SOX5: variants seen among roughly 807,000 people sequenced by gnomAD.
The protein encoded by SOX5 is transcription factor SOX-5.
A neutral mutation model predicts 92.0 loss-of-function variants in SOX5; 9 were observed. The observed-to-expected ratio is 0.10, with a 90% confidence interval of 0.06 to 0.17. SOX5 has a LOEUF of 0.17. SOX5 is among the 10% of genes least tolerant of loss of function. The pLI is 1.00. For missense variants in SOX5, 642 were observed against 944.5 expected, an observed-to-expected ratio of 0.68 and a Z score of 4.20; for synonymous variants, 344 against 336.3, an observed-to-expected ratio of 1.02 and a Z score of -0.25.
intron 1 of SOX5, among the ~76,000 whole-genome samples, chr12:24,493,863 C>CCA (rs397762161): frequency 4.8e-4 from 42 of 86,734 alleles, no homozygotes; most frequent in East Asian, 3.2e-3. Flanking sequence ...GACTCCATCT[C>CCA]AAAAAAAAAA....
At chr12:23,735,980 T>C (rs1038666099) in intron 5 of SOX5, among the ~76,000 whole-genome samples, 10 of 152,216 alleles carry the variant, frequency 6.6e-5, no homozygotes, top group African/African-American at 2.2e-4. Context: ...AGGAAGTCCG[T>C]TACAAAAGCA....
intron 3 of SOX5, among the ~76,000 whole-genome samples, chr12:23,842,343 A>T (rs528524862): frequency 5.9e-5 from 9 of 152,256 alleles, no homozygotes; most frequent in African/African-American, 2.2e-4. Flanking sequence ...TAATCCATGC[A>T]AAAAAGGATT....
chr12:24,240,628 A>G (rs1461798781), intron 3 of SOX5, among the ~76,000 whole-genome samples: 1 of 152,196 alleles, frequency 6.6e-6, no homozygotes, highest in Non-Finnish European at 1.5e-5. Flanking sequence ...AGAAAGAAAT[A>G]AAAACACTTC....
chr12:23,533,735 G>C lies in SOX5; in HGVS notation c.*484C>G, dbSNP rs1939585043. ...GCATTACAAAGAAAAAAAATGAAAGGAAAGAAAAAGAAAAGGAAAAAACCC... is the reference window on the plus strand; with the variant it reads ...GCATTACAAAGAAAAAAAATGAAAGCAAAGAAAAAGAAAAGGAAAAAACCC... On this transcript the variant is annotated 3_prime_UTR_variant, in exon 15 of 15. Coordinates refer to ENST00000451604, the MANE Select transcript of SOX5 (RefSeq NM_006940.6). The C allele has an allele frequency of 6.6e-6, 1 of 151,122 alleles. No individual in the cohort carries two copies. Among genetic ancestry groups the C allele is most frequent in the Admixed American group, 6.6e-5 (1 of 15,130 alleles). 9.4% of individuals were successfully genotyped at this position (151,122 alleles called of 1,614,324 possible).
chr12:23,957,568 G>T (rs1159135695), intron 4 of SOX5, among the ~76,000 whole-genome samples: 1 of 152,166 alleles, frequency 6.6e-6, no homozygotes, highest in Non-Finnish European at 1.5e-5. Flanking sequence ...AAACTAAAAA[G>T]TTGTAATGTT....
chr12:24,146,772 C>T (rs1434804305), intron 4 of SOX5, among the ~76,000 whole-genome samples: 6 of 147,868 alleles, frequency 4.1e-5, no homozygotes, highest in Middle Eastern at 3.3e-3. Context: ...ATACAAATTA[C>T]CAATATTAGG....
chr12:24,045,405 C>A (rs1054876820), intron 4 of SOX5, among the ~76,000 whole-genome samples: 5 of 152,076 alleles, frequency 3.3e-5, no homozygotes, highest in Non-Finnish European at 7.4e-5. Context: ...CTCAAGAAAC[C>A]CTCCCACTCA....
At chr12:24,363,824 T>C (rs571176013) in intron 2 of SOX5, among the ~76,000 whole-genome samples, 1 of 152,294 alleles carries the variant, frequency 6.6e-6, no homozygotes, top group African/African-American at 2.4e-5. Flanking sequence ...TGGAAAATAT[T>C]AACTTCCTCT....
At chr12:23,683,736 G>T (rs2087032774) in intron 6 of SOX5, among the ~76,000 whole-genome samples, 1 of 151,990 alleles carries the variant, frequency 6.6e-6, no homozygotes, top group South Asian at 2.1e-4. Context: ...AATTTTATTA[G>T]CAAATAGTGT....
intron 1 of SOX5, among the ~76,000 whole-genome samples, chr12:24,501,390 A>T (rs1948184248): frequency 1.3e-5 from 2 of 152,104 alleles, no homozygotes; most frequent in South Asian, 2.1e-4. Context: ...AAAAAAAAAA[A>T]AATATGTACA....
chr12:23,932,659 T>C (rs1941702028), intron 1 of SOX5, among the ~76,000 whole-genome samples: 1 of 151,626 alleles, frequency 6.6e-6, no homozygotes, highest in Admixed American at 6.6e-5. Context: ...TTCAGTACAT[T>C]TGTTTTTTAT....
At chr12:23,788,907 G>A (rs1031626070) in intron 3 of SOX5, among the ~76,000 whole-genome samples, 1 of 151,908 alleles carries the variant, frequency 6.6e-6, no homozygotes, top group African/African-American at 2.4e-5. Flanking sequence ...CTGTTTCTGT[G>A]TTTATTATAG....
intron 8 of SOX5, among the ~76,000 whole-genome samples, chr12:23,607,473 T>A (rs1236235440): frequency 2.0e-5 from 3 of 152,236 alleles, no homozygotes; most frequent in Non-Finnish European, 2.9e-5. Flanking sequence ...ATAATTTTTT[T>A]AAAATGCTGC....
At chr12:24,239,207 C>G (rs1339368713) in intron 3 of SOX5, among the ~76,000 whole-genome samples, 3 of 152,106 alleles carry the variant, frequency 2.0e-5, no homozygotes, top group African/African-American at 7.2e-5. Context: ...AGCATTCTTA[C>G]CAAATAATAA....
At chr12:23,639,004 T>G (rs17385466) in intron 8 of SOX5, among the ~76,000 whole-genome samples, 1 of 152,094 alleles carries the variant, frequency 6.6e-6, no homozygotes, top group Non-Finnish European at 1.5e-5. Flanking sequence ...ACAGGATTAT[T>G]TGAGGCTCTA....
chr12:23,547,889 G>C (rs943961436), intron 11 of SOX5, among the ~76,000 whole-genome samples: 2 of 151,954 alleles, frequency 1.3e-5, no homozygotes, highest in African/African-American at 2.4e-5. Flanking sequence ...ATATGTTTTG[G>C]ATGTCTTTTG....
chr12:23,965,990 C>T (rs1458798017), intron 4 of SOX5, among the ~76,000 whole-genome samples: 1 of 151,960 alleles, frequency 6.6e-6, no homozygotes, highest in Non-Finnish European at 1.5e-5. Context: ...TGATCTTCAA[C>T]CATAAAAGTT....
intron 1 of SOX5, among the ~76,000 whole-genome samples, chr12:24,447,760 T>A (rs1235659508): frequency 6.6e-6 from 1 of 152,214 alleles, no homozygotes; most frequent in African/African-American, 2.4e-5. Flanking sequence ...GGTCTTGTAT[T>A]GCTTCCCATC....
intron 2 of SOX5, among the ~76,000 whole-genome samples, chr12:24,302,204 A>AT (rs1359395038): frequency 2.0e-5 from 3 of 152,142 alleles, no homozygotes; most frequent in Non-Finnish European, 2.9e-5. Context: ...ACTGATTCCC[A>AT]TTTTGTCCTT....
Sources: allele counts gnomAD v4.1 joint callset (sites outside exome capture counted in the v4.1 genomes callset), GRCh38; gene constraint gnomAD v4.1.1; transcripts MANE v1.5; gene names NCBI Gene and HGNC (gene_info 2026-07-23, HGNC 2026-07-21).